Variants in ELOC observed in about 807,000 individuals in gnomAD.
The protein encoded by ELOC is elongin-C.
For missense variants in ELOC, 38 were observed against 139.0 expected (o/e 0.27, Z 3.65); for synonymous variants, 40 against 51.3 (o/e 0.78, Z 0.94).
At chr8:73,960,057 A>C (rs1323980368) in intron 1 of ELOC, among the ~76,000 whole-genome samples, 1 of 152,244 alleles carries the variant, frequency 6.6e-6, no homozygotes, top group African/African-American at 2.4e-5. Context: ...CTTAAAATAG[A>C]AACATAACAT....
intron 1 of ELOC, among the ~76,000 whole-genome samples, chr8:73,964,231 C>G (rs1213680239): frequency 8.9e-6 from 1 of 112,076 alleles, no homozygotes; most frequent in African/African-American, 3.6e-5. Context: ...TGTTTCATAT[C>G]AACTTATAAA....
At chr8:73,950,971 C>A (rs866276047) in intron 3 of ELOC, among the ~76,000 whole-genome samples, 4 of 152,200 alleles carry the variant, frequency 2.6e-5, no homozygotes, top group Non-Finnish European at 4.4e-5. Context: ...AATGACACAA[C>A]TTAAGATTGG....
At chr8:73,964,669 A>G (rs927004837) in intron 1 of ELOC, 8 of 152,142 alleles carry the variant, frequency 5.3e-5, no homozygotes, top group African/African-American at 1.9e-4. Context: ...AGATGCAAAA[A>G]GCACAAATTG....
intron 3 of ELOC, among the ~76,000 whole-genome samples, chr8:73,952,771 C>CG (rs1554594308): frequency 2.1e-5 from 2 of 97,044 alleles, no homozygotes; most frequent in African/African-American, 3.6e-5. Flanking sequence ...ACAGGTGTCT[C>CG]GAAAAAAAAA....
At chr8:73,950,178 C>G (rs1372114165) in intron 3 of ELOC, among the ~76,000 whole-genome samples, 1 of 152,144 alleles carries the variant, frequency 6.6e-6, no homozygotes, top group Non-Finnish European at 1.5e-5. Context: ...AGTAGTATAA[C>G]TATTCAAGAC....
intron 1 of ELOC, among the ~76,000 whole-genome samples, chr8:73,961,896 CT>C (rs1322654396): frequency 1.2e-4 from 19 of 152,162 alleles, no homozygotes; most frequent in African/African-American, 4.6e-4. Flanking sequence ...CATACATTAT[CT>C]TGTTTATTTA....
chr8:73,949,773 TTC>T (rs1237001974), intron 3 of ELOC, among the ~76,000 whole-genome samples: 16 of 152,252 alleles, frequency 1.1e-4, no homozygotes, highest in Admixed American at 1.0e-3. Flanking sequence ...GCTGAATGTT[TTC>T]TGATCTTTCC....
rs1053757602 is a variant in ELOC, at chr8:73,950,792, A to G, written c.149-3972T>C. Among the ~76,000 whole-genome samples the G allele has an allele frequency of 5.2e-5, 8 of 152,384 alleles. No individual in the cohort carries two copies. The East Asian group carries it at 1.3e-3, about 26-fold the overall frequency. ...TATGAGTTTACAGAATAAAGCTCAAATGTAATTCAATATGAAATATGGACA... is the reference window on the plus strand; with the variant it reads ...TATGAGTTTACAGAATAAAGCTCAAGTGTAATTCAATATGAAATATGGACA... On this transcript the variant is annotated intron_variant, in intron 3 of 3. Transcript: ENST00000520242.
chr8:73,959,544 G>C (rs1814447649), intron 2 of ELOC, among the ~76,000 whole-genome samples: 1 of 152,130 alleles, frequency 6.6e-6, no homozygotes, highest in Non-Finnish European at 1.5e-5. Context: ...GAATTTTTCA[G>C]CTCTATTATA....
intron 1 of ELOC, among the ~76,000 whole-genome samples, chr8:73,971,008 T>C (rs1327129806): frequency 1.7e-5 from 2 of 116,472 alleles, no homozygotes; most frequent in African/African-American, 3.4e-5. Flanking sequence ...CACTCCAGCC[T>C]CAGGACAGAG....
At chr8:73,954,666 A>G (rs1316222551) in intron 3 of ELOC, among the ~76,000 whole-genome samples, 1 of 150,996 alleles carries the variant, frequency 6.6e-6, no homozygotes, top group East Asian at 2.0e-4. Context: ...AAAAAAAAAA[A>G]AGAATAGAGA....
At chr8:73,958,801 T>C (rs1049299517) in intron 2 of ELOC, among the ~76,000 whole-genome samples, 2 of 152,190 alleles carry the variant, frequency 1.3e-5, no homozygotes, top group African/African-American at 2.4e-5. Flanking sequence ...GTCGGGAATA[T>C]ATAGTCATGC....
intron 1 of ELOC, among the ~76,000 whole-genome samples, chr8:73,964,001 G>A (rs1407696501): frequency 6.8e-6 from 1 of 147,034 alleles, no homozygotes; most frequent in Non-Finnish European, 1.5e-5. Flanking sequence ...GCTGAGGCAG[G>A]AGAATGGCTT....
At chr8:73,959,388 A>G (rs1424705110) in intron 2 of ELOC, among the ~76,000 whole-genome samples, 1 of 152,124 alleles carries the variant, frequency 6.6e-6, no homozygotes, top group Non-Finnish European at 1.5e-5. Flanking sequence ...TTTTCTTTAT[A>G]TCCTTATTCT....
chr8:73,970,876 A>C (rs1256204177), intron 1 of ELOC, among the ~76,000 whole-genome samples: 6 of 150,326 alleles, frequency 4.0e-5, no homozygotes, highest in African/African-American at 7.4e-5. Context: ...AAACAAAAAA[A>C]AAACAAAATT....
At chr8:73,961,554 C>T (rs1054426275) in intron 1 of ELOC, among the ~76,000 whole-genome samples, 1 of 151,902 alleles carries the variant, frequency 6.6e-6, no homozygotes, top group African/African-American at 2.4e-5. Context: ...TGCTCTATTG[C>T]CCAGGCTGGA....
intron 2 of ELOC, among the ~76,000 whole-genome samples, chr8:73,959,026 T>A (rs1369235078): frequency 6.6e-6 from 1 of 152,220 alleles, no homozygotes; most frequent in Admixed American, 6.5e-5. Flanking sequence ...AGTATTTGTG[T>A]ATCTAAACAT....
chr8:73,948,896 G>A (rs1312218159), intron 3 of ELOC, among the ~76,000 whole-genome samples: 5 of 150,654 alleles, frequency 3.3e-5, no homozygotes, highest in Non-Finnish European at 7.4e-5. Flanking sequence ...AAACATTTCA[G>A]GAAAGGAATT....
intron 3 of ELOC, among the ~76,000 whole-genome samples, chr8:73,951,952 T>C (rs1563672988): frequency 1.3e-5 from 2 of 152,294 alleles, no homozygotes; most frequent in East Asian, 1.9e-4. Flanking sequence ...GGTAGTGGGA[T>C]AGCCACATGC....
Sources: allele counts gnomAD v4.1 joint callset (sites outside exome capture counted in the v4.1 genomes callset), GRCh38; gene constraint gnomAD v4.1.1; transcripts MANE v1.5; gene names NCBI Gene and HGNC (gene_info 2026-07-23, HGNC 2026-07-21).